Variants in ASB14 observed in about 807,000 individuals in gnomAD.
ASB14 encodes the protein ankyrin repeat and SOCS box containing 14, also known as ankyrin repeat and SOCS box protein 14.
In ASB14, 63 loss-of-function variants were observed where a neutral mutation model predicts 55.6. The ratio of observed to expected loss-of-function variants is 1.13; its 90% CI spans 0.92 to 1.40. The LOEUF is 1.40. ASB14 is among the 40% of genes most tolerant of loss of function. The pLI is 0.00. For synonymous variants in ASB14, 256 were observed against 259.9 expected (o/e 0.98, Z 0.15); for missense variants, 724 against 710.4 (o/e 1.02, Z -0.22).
chr3:57,275,276 ACC>A (rs1305283972), intron 10 of ASB14, among the ~76,000 whole-genome samples: 4 of 151,966 alleles, frequency 2.6e-5, no homozygotes, highest in Non-Finnish European at 5.9e-5. Flanking sequence ...ACATGATGAA[ACC>A]CCGTTTCTAC....
chr3:57,278,078 G>T (rs1009153758), intron 8 of ASB14, among the ~76,000 whole-genome samples, 158 bp from the exon 9 acceptor site: 1 of 152,192 alleles, frequency 6.6e-6, no homozygotes, highest in African/African-American at 2.4e-5. Flanking sequence ...TACTTATCCT[G>T]ATTCTTTTTT....
chr3:57,273,957 A>C (rs1317264897), intron 10 of ASB14, among the ~76,000 whole-genome samples: 30 of 152,340 alleles, frequency 2.0e-4, no homozygotes, highest in African/African-American at 7.2e-4. Flanking sequence ...CTTTAGAATT[A>C]TATAATTTAT....
At chr3:57,271,764 A>C (rs1047346520) in intron 10 of ASB14, 1 of 152,186 alleles carries the variant, frequency 6.6e-6, no homozygotes, top group African/African-American at 2.4e-5. Flanking sequence ...AGTTCGTTTT[A>C]AGTCATGTTC....
rs1051140575 is a variant in ASB14 at position 57,285,005 on chromosome 3, T to C, written c.470-1566A>G. On this transcript the variant is annotated intron_variant, in intron 5 of 10. Coordinates refer to ENST00000487349, the MANE Select transcript of ASB14 (RefSeq NM_001142733.3). ...CCCAGGCTGGAGTGCAGTGGCGCAA[T>C]CTTGGCTCACTGCAACCTCGTCTCT... is the stretch of plus-strand genomic sequence containing the variant. Among the ~76,000 whole-genome samples the C allele has an allele frequency of 4.3e-4, 62 of 143,818 alleles. 1 individual carries two copies. Among genetic ancestry groups the C allele is most frequent in the Non-Finnish European group, 1.6e-4 (11 of 66,764 alleles). 94.4% of individuals were successfully genotyped at this position (143,818 alleles called of 152,430 possible).
intron 10 of ASB14, chr3:57,271,888 G>GTTCCATTACTGTTGAACTATATGAACTA (rs1270399510): frequency 6.6e-6 from 1 of 152,108 alleles, no homozygotes; most frequent in Non-Finnish European, 1.5e-5. Flanking sequence ...TTCAGCTTTT[G>GTTCCATTACTGTTGAACTATATGAACTA]TTCCATTACT....
At chr3:57,290,097 CTG>C (rs1373103612) in intron 2 of ASB14, among the ~76,000 whole-genome samples, 1 of 152,158 alleles carries the variant, frequency 6.6e-6, no homozygotes, top group Admixed American at 6.5e-5. Context: ...TCTATAGCTG[CTG>C]TAAGAAGTAA....
chr3:57,291,968 CT>C lies in ASB14; in HGVS notation c.65del (p.Gln22ArgfsTer25). 1 of 1,536,278 alleles carries C rather than the reference CT, an allele frequency of 6.5e-7. No individual in the cohort carries two copies. Among genetic ancestry groups the C allele is most frequent in the Non-Finnish European group, 8.7e-7 (1 of 1,145,904 alleles). ...EDFDTQLIIQ[Q>X]SLQDIYKPGT... ...CTGGCTTATAAATATCCTGCAAACT[CT>C]GTTGAATGATGAGCTGGGTGTCAAA... On this transcript the variant is annotated frameshift_variant, in exon 2 of 11. Transcript: ENST00000487349. LOFTEE classifies it high-confidence loss of function.
chr3:57,285,455 C>T (rs1036592797), intron 5 of ASB14, among the ~76,000 whole-genome samples: 9 of 151,962 alleles, frequency 5.9e-5, no homozygotes, highest in African/African-American at 2.2e-4. Context: ...GACTTCTTAC[C>T]ATAGAAAATG....
chr3:57,283,320 C>CCT lies in ASB14; in HGVS notation c.587_588dup (p.Asp197ArgfsTer4), dbSNP rs1559522866. 2 of 1,551,856 alleles carry CCT rather than the reference C, an allele frequency of 1.3e-6. No individual in the cohort carries two copies. The highest frequency in any genetic ancestry group is 3.9e-5 in the Admixed American group (2 of 50,990). ...GAAACCAGCATAAGCTTCACCATGT[C>CCT]CTCTCTGCCCAGTTTGGCTGCTTCG... On this transcript the variant is annotated frameshift_variant, in exon 6 of 11. Coordinates refer to ENST00000487349, the MANE Select transcript of ASB14 (RefSeq NM_001142733.3). LOFTEE classifies it high-confidence loss of function.
At chr3:57,282,435 A>G (rs1320624400) in intron 6 of ASB14, among the ~76,000 whole-genome samples, 2 of 152,218 alleles carry the variant, frequency 1.3e-5, no homozygotes, top group African/African-American at 4.8e-5. Flanking sequence ...TAACAGTGTC[A>G]TCAATGAGCT....
chr3:57,289,467 A>G (rs1398850523), intron 2 of ASB14, among the ~76,000 whole-genome samples: 1 of 152,156 alleles, frequency 6.6e-6, no homozygotes, highest in Non-Finnish European at 1.5e-5. Flanking sequence ...ATCTCATGGT[A>G]AAATTTGATG....
At chr3:57,269,813 GCT>G in intron 10 of ASB14, 195 bp from the exon 11 acceptor site, 2 of 1,111,734 alleles carry the variant, frequency 1.8e-6, no homozygotes, top group Admixed American at 5.0e-5. Flanking sequence ...ATTTGTTGTA[GCT>G]ACATTTTAAA....
At chr3:57,280,264 C>T in intron 7 of ASB14, 38 bp downstream of exon 7, 1 of 1,320,012 alleles carries the variant, frequency 7.6e-7, no homozygotes, top group African/African-American at 1.5e-5. Context: ...GTAGCTATTA[C>T]TGTTTTTATT....
intron 10 of ASB14, 138 bp downstream of exon 10, chr3:57,276,390 A>G (rs2060987034): frequency 1.7e-6 from 1 of 604,722 alleles, no homozygotes. Context: ...AGGTGAAGCA[A>G]TCCTCCTGCC....
chr3:57,273,927 C>A (rs551564271), intron 10 of ASB14, among the ~76,000 whole-genome samples: 1 of 151,984 alleles, frequency 6.6e-6, no homozygotes, highest in Non-Finnish European at 1.5e-5. Flanking sequence ...TTAGAAGGTA[C>A]AGGGAATAGA....
chr3:57,290,476 T>C (rs1184774091), intron 2 of ASB14, among the ~76,000 whole-genome samples: 2 of 152,238 alleles, frequency 1.3e-5, no homozygotes, highest in Admixed American at 6.5e-5. Context: ...AAAAGTCAGC[T>C]GATTAGCAGC....
At chr3:57,290,726 A>T (rs1362937412) in intron 2 of ASB14, among the ~76,000 whole-genome samples, 1 of 152,236 alleles carries the variant, frequency 6.6e-6, no homozygotes, top group Non-Finnish European at 1.5e-5. Context: ...TACTCTCCTT[A>T]GCCCAACTCT....
chr3:57,282,144 C>T (rs1482220293), intron 6 of ASB14, among the ~76,000 whole-genome samples: 1 of 152,124 alleles, frequency 6.6e-6, no homozygotes, highest in African/African-American at 2.4e-5. Flanking sequence ...TCATTTAAAA[C>T]ATCTTACTTA....
intron 9 of ASB14, 43 bp from the exon 10 acceptor site, chr3:57,276,771 T>G: frequency 6.5e-7 from 1 of 1,550,088 alleles, no homozygotes; most frequent in Non-Finnish European, 8.7e-7. Context: ...AAAGAACTTT[T>G]TTTTTAGTAT....
Sources: allele counts gnomAD v4.1 joint callset (sites outside exome capture counted in the v4.1 genomes callset), GRCh38; gene constraint gnomAD v4.1.1; transcripts MANE v1.5; gene names NCBI Gene and HGNC (gene_info 2026-07-23, HGNC 2026-07-21).